PRDX4: variants seen among roughly 807,000 people sequenced by gnomAD.
The protein encoded by PRDX4 is peroxiredoxin 4.
PRDX4 carries 12 observed loss-of-function variants against 20.5 expected under a neutral mutation model. The observed-to-expected ratio is 0.58, with a 90% confidence interval of 0.37 to 0.95. PRDX4 has a LOEUF of 0.95. Among genes scored for constraint, PRDX4 ranks in the 40% least tolerant of loss-of-function variants. PRDX4 has a pLI of 0.01. For synonymous variants in PRDX4, 99 were observed against 87.5 expected, an observed-to-expected ratio of 1.13 and a Z score of -0.73; for missense variants, 180 against 207.3, an observed-to-expected ratio of 0.87 and a Z score of 0.81.
chrX:23,668,928 T>A (rs1233183609), intron 1 of PRDX4, among the ~76,000 whole-genome samples: 3 of 110,188 alleles, frequency 2.7e-5, no homozygotes, highest in African/African-American at 6.6e-5. Flanking sequence ...TTTTTTTTTT[T>A]TTTATTTGAG....
intron 3 of PRDX4, among the ~76,000 whole-genome samples, chrX:23,678,437 C>G (rs1462313850): frequency 9.0e-6 from 1 of 110,958 alleles, no homozygotes; most frequent in Non-Finnish European, 1.9e-5. Context: ...CGAGACCAGC[C>G]TGGCCAACAT....
chrX:23,682,853 A>AAAAATATATAT (rs1555933130), intron 5 of PRDX4, among the ~76,000 whole-genome samples: 3 of 14,874 alleles, frequency 2.0e-4, no homozygotes, highest in Admixed American at 1.2e-3. Flanking sequence ...AAAAAAAAAA[A>AAAAATATATAT]ATATATATAT....
intron 3 of PRDX4, among the ~76,000 whole-genome samples, chrX:23,676,167 A>AAAAG (rs1927944132): frequency 1.0e-5 from 1 of 97,182 alleles, no homozygotes; most frequent in Non-Finnish European, 2.0e-5. Context: ...AAAAAAAAAA[A>AAAAG]GATTCAGAAC....
intron 1 of PRDX4, among the ~76,000 whole-genome samples, chrX:23,668,960 C>T (rs1262175980): frequency 5.5e-5 from 6 of 109,405 alleles, no homozygotes; most frequent in Non-Finnish European, 1.1e-4. Flanking sequence ...CTCTGTCACC[C>T]AGGCACCCAG....
chrX:23,676,127 A>T, intron 3 of PRDX4, among the ~76,000 whole-genome samples: 1 of 86,578 alleles, frequency 1.2e-5, no homozygotes, highest in Non-Finnish European at 2.2e-5. Context: ...TGAGAGTGAA[A>T]CTCCATCTCA....
At chrX:23,675,154 T>C (rs1374585424) in intron 3 of PRDX4, 48 bp downstream of exon 3, 7 of 1,209,181 alleles carry the variant, frequency 5.8e-6, no homozygotes, top group Non-Finnish European at 5.6e-6. Context: ...ATGGATTTAC[T>C]CTTAAAGCAT....
intron 6 of PRDX4, among the ~76,000 whole-genome samples, chrX:23,684,131 AT>A (rs1928141117): frequency 9.0e-6 from 1 of 110,635 alleles, no homozygotes; most frequent in Non-Finnish European, 1.9e-5. Flanking sequence ...TGAAGTAAAC[AT>A]TGCTAAGCAG....
chrX:23,682,853 A>AAAAAAATAT (rs1555933130), intron 5 of PRDX4, among the ~76,000 whole-genome samples: 10 of 14,876 alleles, frequency 6.7e-4, no homozygotes, highest in East Asian at 2.8e-3. Context: ...AAAAAAAAAA[A>AAAAAAATAT]ATATATATAT....
At position 23,667,521 on chromosome X, in the gene PRDX4, G is replaced by A. The variant is rs1257535244; in HGVS notation, c.-50G>A. 2.7e-6 allele frequency: 3 copies of A among 1,129,494 alleles called. No homozygotes were observed. Among genetic ancestry groups the A allele is most frequent in the Non-Finnish European group, 3.5e-6 (3 of 857,410 alleles). The allele number at this position is 1,129,494 out of a possible 1,213,427, so 93.1% of individuals were successfully genotyped here. On this transcript the variant is annotated 5_prime_UTR_variant, in exon 1 of 7. Transcript: ENST00000379341. The stretch of plus-strand genomic sequence containing the variant: ...CACGCGGTTGTAGCTGCCCGGCGGC[G>A]GCAGAAGCGGCGCTCGCGCCAAGGG...
intron 2 of PRDX4, among the ~76,000 whole-genome samples, chrX:23,672,059 G>A (rs1490324294): frequency 6.3e-5 from 7 of 111,691 alleles, no homozygotes; most frequent in South Asian, 7.5e-4. Context: ...TCAAGAGATC[G>A]AGACCATCCT....
intron 4 of PRDX4, among the ~76,000 whole-genome samples, chrX:23,682,016 G>A (rs1290240911): frequency 8.9e-6 from 1 of 112,205 alleles, no homozygotes; most frequent in Non-Finnish European, 1.9e-5. Context: ...ACTTCAGCCT[G>A]GGCAACAGAG....
Position 23,667,585 on chromosome X carries a change from G to A in PRDX4, c.15G>A (p.Pro5=), listed in dbSNP as rs756358405. 5.5e-5 allele frequency: 65 copies of A among 1,187,923 alleles called. No individual in the cohort carries two copies. The highest frequency in any genetic ancestry group is 7.2e-5 in the Non-Finnish European group (64 of 884,185). Residue 5 remains proline (P), a synonymous_variant, in exon 1 of 7, where the codon CCG becomes CCA. Transcript: ENST00000379341. ...CTCGCGTGGTCATGGAGGCGCTGCC[G>A]CTGCTAGCCGCGACAACTCCGGACC... is the stretch of plus-strand genomic sequence containing the variant. The part of the protein sequence containing the change: MEAL[P]LLAATTPDHG...
At chrX:23,668,988 C>G in intron 1 of PRDX4, among the ~76,000 whole-genome samples, 1 of 109,768 alleles carries the variant, frequency 9.1e-6, no homozygotes, top group Non-Finnish European at 1.9e-5. Flanking sequence ...TGCGGTCGCG[C>G]GATCTCGGCT....
At chrX:23,668,550 A>T (rs952372713) in intron 1 of PRDX4, among the ~76,000 whole-genome samples, 3 of 112,753 alleles carry the variant, frequency 2.7e-5, no homozygotes, top group Non-Finnish European at 3.7e-5. Context: ...GACACGTCAG[A>T]CGAAGTAGAT....
intron 2 of PRDX4, among the ~76,000 whole-genome samples, chrX:23,672,955 A>T (rs976478182): frequency 3.6e-5 from 4 of 112,193 alleles, no homozygotes; most frequent in African/African-American, 1.3e-4. Flanking sequence ...AATTATAAGA[A>T]CTTGCTTCTT....
intron 2 of PRDX4, 82 bp downstream of exon 2, chrX:23,671,728 C>A: frequency 1.3e-6 from 1 of 745,808 alleles, no homozygotes; most frequent in Non-Finnish European, 1.9e-6. Flanking sequence ...TTATTTTGTT[C>A]AGCTCTTGGT....
chrX:23,681,900 G>A (rs1021294605), intron 4 of PRDX4, among the ~76,000 whole-genome samples: 1 of 110,847 alleles, frequency 9.0e-6, no homozygotes, highest in African/African-American at 3.3e-5. Context: ...AATTAGCTGG[G>A]CGTGGTGGCA....
rs763938356 is a variant in PRDX4 at position 23,673,755 on chromosome X, C to CA, written c.360-1220dup. ...TGGGTGACAGAGTGAGACCCTGCCA[C>CA]AAAAAAAAAAAAAAAGGAAGGCTGA... On this transcript the variant is annotated intron_variant, in intron 2 of 6. Coordinates refer to ENST00000379341, the MANE Select transcript of PRDX4 (RefSeq NM_006406.2). Among the ~76,000 whole-genome samples, 316 of 33,126 alleles carry CA rather than the reference C, an allele frequency of 9.5e-3. 2 individuals are homozygous for CA. The highest frequency in any genetic ancestry group is 0.041 in the South Asian group (29 of 712). 28.8% of individuals were successfully genotyped at this position (33,126 alleles called of 115,157 possible).
chrX:23,686,292 C>A lies in PRDX4; in HGVS notation c.773C>A (p.Pro258Gln), dbSNP rs1375106644. 2 of 1,176,261 alleles carry A rather than the reference C, an allele frequency of 1.7e-6. No homozygotes were observed. The highest frequency in any genetic ancestry group is 3.0e-5 in the East Asian group (1 of 33,077). The change falls in exon 7 of 7, where the codon CCA (proline) becomes CAA (glutamine). Residue 258 changes from proline (P) to glutamine (Q), a missense_variant. By Grantham distance (76) the Pro-to-Gln change is moderately conservative. Transcript: ENST00000379341. ...TTCGTTTTGTTTTAACAGATAATCC[C>A]AGATCCAGCTGGAAAGCTGAAGTAT... ...GWKPGSETII[P>Q]DPAGKLKYFD...
Sources: allele counts gnomAD v4.1 joint callset (sites outside exome capture counted in the v4.1 genomes callset), GRCh38; gene constraint gnomAD v4.1.1; transcripts MANE v1.5; gene names NCBI Gene and HGNC (gene_info 2026-07-23, HGNC 2026-07-21).